The following THSD7A variants were observed in gnomAD, a reference collection of about 807,000 sequenced individuals.
THSD7A encodes the protein thrombospondin type-1 domain-containing protein 7A.
THSD7A carries 96 observed loss-of-function variants against 231.3 expected under a neutral mutation model. The observed-to-expected ratio is 0.41, with a 90% CI of 0.35 to 0.49. The LOEUF (loss-of-function observed/expected upper bound fraction) is 0.49, where lower values mean the gene tolerates loss of function less well. Among genes scored for constraint, THSD7A ranks in the 20% least tolerant of loss-of-function variants. The pLI is 0.05. For missense variants in THSD7A, 2,290 were observed against 2,070.2 expected, an observed-to-expected ratio of 1.11 and a Z score of -2.06; for synonymous variants, 940 against 743.3, an observed-to-expected ratio of 1.26 and a Z score of -4.30.
rs564144609 is a variant in THSD7A, at chr7:11,824,079, T to C, written c.190+7678A>G. Among the ~76,000 whole-genome samples the C allele has an allele frequency of 3.4e-3, 524 of 152,182 alleles. 4 individuals carry two copies. Among genetic ancestry groups the C allele is most frequent in the African/African-American group, 0.011 (470 of 41,550 alleles). On this transcript the variant is annotated intron_variant, in intron 1 of 27. Transcript: ENST00000423059. ...ACTTGAATGCATTTTAAACTATCAG[T>C]GTAAAGTTCTGATGAAAAAAATTAG...
chr7:11,654,292 T>C (rs765318954), intron 1 of THSD7A, among the ~76,000 whole-genome samples: 40 of 152,086 alleles, frequency 2.6e-4, no homozygotes, highest in Non-Finnish European at 4.6e-4. Flanking sequence ...TACAATGCCA[T>C]AACTAGATTT....
At chr7:11,752,044 T>C (rs776981020) in intron 1 of THSD7A, among the ~76,000 whole-genome samples, 42 of 152,144 alleles carry the variant, frequency 2.8e-4, no homozygotes, top group Non-Finnish European at 5.6e-4. Context: ...CCCCAAGATC[T>C]GTCCATCAAA....
At chr7:11,701,461 A>G (rs1162500010) in intron 1 of THSD7A, among the ~76,000 whole-genome samples, 4 of 151,202 alleles carry the variant, frequency 2.6e-5, no homozygotes, top group African/African-American at 9.7e-5. Flanking sequence ...ATACTTCACT[A>G]TAATTTATTA....
intron 4 of THSD7A, among the ~76,000 whole-genome samples, chr7:11,577,821 G>A (rs1197835555): frequency 6.6e-6 from 1 of 151,784 alleles, no homozygotes; most frequent in African/African-American, 2.4e-5. Context: ...AACAATCCGA[G>A]GGTTACTACA....
intron 6 of THSD7A, among the ~76,000 whole-genome samples, chr7:11,503,591 C>T (rs1008712040): frequency 2.0e-5 from 3 of 151,412 alleles, no homozygotes; most frequent in Admixed American, 1.3e-4. Context: ...GCATCTATAA[C>T]GAACTTAAAC....
rs558585857 is a variant in THSD7A, at chr7:11,715,563, C to G, written c.191-78602G>C. ...ATTTTTTCTTTCCTTCTTTCTGTCT[C>G]TCAAAGCAATAGAATTTTGATTTGA... On this transcript the variant is annotated intron_variant, in intron 1 of 27. Coordinates refer to ENST00000423059, the MANE Select transcript of THSD7A (RefSeq NM_015204.3). Among the ~76,000 whole-genome samples the G allele has an allele frequency of 2.6e-5, 4 of 151,552 alleles. No individual in the cohort carries two copies. The East Asian group carries it at 7.8e-4, about 30-fold the overall frequency.
intron 1 of THSD7A, among the ~76,000 whole-genome samples, chr7:11,650,641 G>C (rs1399083473): frequency 6.6e-6 from 1 of 152,000 alleles, no homozygotes; most frequent in East Asian, 1.9e-4. Flanking sequence ...TGGAAAAGTA[G>C]GTTGCTCGGC....
chr7:11,496,994 A>C (rs148308486), intron 6 of THSD7A, among the ~76,000 whole-genome samples: 1 of 152,160 alleles, frequency 6.6e-6, no homozygotes, highest in Non-Finnish European at 1.5e-5. Flanking sequence ...CATTACTATA[A>C]GGAGATACCC....
intron 1 of THSD7A, among the ~76,000 whole-genome samples, chr7:11,799,205 G>A (rs11975451): frequency 6.6e-6 from 1 of 152,110 alleles, no homozygotes; most frequent in African/African-American, 2.4e-5. Flanking sequence ...AGAGGCATGA[G>A]CCACCGCGCC....
intron 16 of THSD7A, among the ~76,000 whole-genome samples, chr7:11,421,319 G>C (rs564646230): frequency 6.6e-6 from 1 of 152,080 alleles, no homozygotes; most frequent in Non-Finnish European, 1.5e-5. Context: ...TCTGGTTGTT[G>C]TAAAGTGTGT....
chr7:11,596,608 C>T (rs1193254323), intron 2 of THSD7A, among the ~76,000 whole-genome samples: 3 of 152,118 alleles, frequency 2.0e-5, no homozygotes, highest in Non-Finnish European at 4.4e-5. Context: ...AAAACAATAT[C>T]GCATAGCTGG....
At chr7:11,811,925 T>A (rs889830106) in intron 1 of THSD7A, among the ~76,000 whole-genome samples, 2 of 152,156 alleles carry the variant, frequency 1.3e-5, no homozygotes, top group African/African-American at 2.4e-5. Context: ...TGAAATTACA[T>A]CAGTTTATAT....
rs1022206751 is a variant in THSD7A at position 11,374,265 on chromosome 7, T to C, written c.*1529A>G. ...TAGCAGAATGGCAAAGTTGAGAAGT[T>C]GCAACATAGACCTTGTGGAAAATAT... On this transcript the variant is annotated 3_prime_UTR_variant, in exon 28 of 28. Coordinates refer to ENST00000423059, the MANE Select transcript of THSD7A (RefSeq NM_015204.3). The C allele has an allele frequency of 1.3e-5, 2 of 152,170 alleles. No individual in the cohort carries two copies. Among genetic ancestry groups the C allele is most frequent in the African/African-American group, 4.8e-5 (2 of 41,460 alleles). 9.4% of individuals were successfully genotyped at this position (152,170 alleles called of 1,614,324 possible).
chr7:11,610,936 T>G (rs1269813663), intron 2 of THSD7A, among the ~76,000 whole-genome samples: 1 of 152,128 alleles, frequency 6.6e-6, no homozygotes, highest in African/African-American at 2.4e-5. Flanking sequence ...AAATCTCTTT[T>G]GTTGAATTTA....
intron 4 of THSD7A, among the ~76,000 whole-genome samples, chr7:11,571,699 T>C (rs1790638824): frequency 6.6e-6 from 1 of 152,196 alleles, no homozygotes; most frequent in Non-Finnish European, 1.5e-5. Flanking sequence ...CCAAATGTAG[T>C]CGTTCAGTTT....
chr7:11,821,008 C>G lies in THSD7A; in HGVS notation c.190+10749G>C, dbSNP rs1784858172. 17 of 1,022,222 alleles carry G rather than the reference C, an allele frequency of 1.7e-5. No homozygotes were observed. In the Admixed American group the frequency reaches 1.8e-4, roughly 11 times the overall value. 63.3% of individuals were successfully genotyped at this position (1,022,222 alleles called of 1,614,324 possible). A position where few individuals can be genotyped will look rare whatever the true frequency, so the allele number is the denominator to read the frequency against. On this transcript the variant is annotated intron_variant, in intron 1 of 27. Coordinates refer to ENST00000423059, the MANE Select transcript of THSD7A (RefSeq NM_015204.3). ...GGATCATCTCTGTATTTTCCCTCAG[C>G]CTTGTAGCCAGGTTTTCTGGGACTT...
intron 1 of THSD7A, among the ~76,000 whole-genome samples, chr7:11,786,013 C>A (rs867080210): frequency 6.6e-6 from 1 of 152,020 alleles, no homozygotes; most frequent in Non-Finnish European, 1.5e-5. Context: ...TATGGAATAT[C>A]TCTGCATAAT....
At chr7:11,544,523 C>T (rs1354082595) in intron 4 of THSD7A, among the ~76,000 whole-genome samples, 1 of 152,126 alleles carries the variant, frequency 6.6e-6, no homozygotes, top group Non-Finnish European at 1.5e-5. Context: ...CATAGGATTG[C>T]ATGCAGAAGC....
chr7:11,696,157 T>C (rs1780390288), intron 1 of THSD7A, among the ~76,000 whole-genome samples: 1 of 151,422 alleles, frequency 6.6e-6, no homozygotes, highest in Non-Finnish European at 1.5e-5. Flanking sequence ...AATAGACACA[T>C]TGTATTGGGA....
Sources: gnomAD v4.1 joint callset for allele counts (sites outside exome capture counted in the v4.1 genomes callset) on GRCh38, gnomAD v4.1.1 for gene constraint, MANE v1.5 for transcripts, NCBI Gene and HGNC (gene_info 2026-07-23, HGNC 2026-07-21) for gene names.